CLEC16A: variants seen among roughly 807,000 people sequenced by gnomAD.
CLEC16A encodes the protein protein CLEC16A.
Under a neutral mutation model 109.5 loss-of-function variants are expected in CLEC16A, and 51 were observed. The ratio of observed to expected loss-of-function variants is 0.47; its 90% CI spans 0.37 to 0.59. CLEC16A has a LOEUF of 0.59. CLEC16A is among the 20% of genes least tolerant of loss of function. The pLI is 0.00. For synonymous variants in CLEC16A, 673 were observed against 564.2 expected (o/e 1.19, Z -2.73); for missense variants, 1,339 against 1,394.0 (o/e 0.96, Z 0.63).
At chr16:10,986,600 A>T (rs1473634446) in intron 10 of CLEC16A, among the ~76,000 whole-genome samples, 2 of 152,092 alleles carry the variant, frequency 1.3e-5, no homozygotes, top group Non-Finnish European at 2.9e-5. Flanking sequence ...TGAGTTTGAC[A>T]ATTTTAGATA....
chr16:11,174,809 C>G lies in CLEC16A; in HGVS notation c.2807-3526C>G, dbSNP rs1757330749. ...TGACCGGAAGCCAAGAGCCATTTCC[C>G]TCATAGACACATGGATGGATGTGGC... On this transcript the variant is annotated intron_variant, in intron 23 of 23. Transcript: ENST00000409790. This position sits in a 1 kb window ranked among gnomAD's most constrained non-coding sequence, Gnocchi z 4.7. Among the ~76,000 whole-genome samples the G allele has an allele frequency of 6.6e-6, 1 of 152,250 alleles. No homozygotes were observed. Among genetic ancestry groups the G allele is most frequent in the Non-Finnish European group, 1.5e-5 (1 of 68,040 alleles).
At position 10,977,170 on chromosome 16, in the gene CLEC16A, G is replaced by A. The variant is rs951032805; in HGVS notation, c.729-55G>A. 13 of 1,532,716 alleles carry A rather than the reference G, an allele frequency of 8.5e-6. No homozygotes were observed. The East Asian group carries it at 2.9e-4, about 34-fold the overall frequency. The allele number at this position is 1,532,716 out of a possible 1,614,324, so 94.9% of individuals were successfully genotyped here. A position where few individuals can be genotyped will look rare whatever the true frequency, so the allele number is the denominator to read the frequency against. ...CTAAGTCTCAGGCCATTGATGTTAGGCTCAAAGGCTCCTAGTGTTGGCCTC... is the reference window on the plus strand; with the variant it reads ...CTAAGTCTCAGGCCATTGATGTTAGACTCAAAGGCTCCTAGTGTTGGCCTC... On this transcript the variant is annotated intron_variant, in intron 7 of 23. Transcript: ENST00000409790.
At chr16:11,115,760 T>A (rs1353707135) in intron 19 of CLEC16A, among the ~76,000 whole-genome samples, 4 of 152,198 alleles carry the variant, frequency 2.6e-5, no homozygotes, top group African/African-American at 9.6e-5. Flanking sequence ...CCTTTTTTAA[T>A]AATGTAGAAG....
chr16:11,098,843 T>C (rs1005796942), intron 19 of CLEC16A, among the ~76,000 whole-genome samples: 8 of 152,292 alleles, frequency 5.3e-5, no homozygotes, highest in African/African-American at 1.9e-4. Flanking sequence ...CCCAGTCCTA[T>C]GTGGGGGCCA....
intron 19 of CLEC16A, among the ~76,000 whole-genome samples, chr16:11,096,857 T>G (rs2050634613): frequency 6.6e-6 from 1 of 152,188 alleles, no homozygotes; most frequent in Non-Finnish European, 1.5e-5. Context: ...AAATTTTCCT[T>G]ATAAATTTCA....
chr16:10,953,634 T>A (rs1228903018), intron 1 of CLEC16A, among the ~76,000 whole-genome samples: 1 of 152,162 alleles, frequency 6.6e-6, no homozygotes, highest in Non-Finnish European at 1.5e-5. Flanking sequence ...AAAGGGTTTG[T>A]GGTCAGAGTA....
chr16:11,129,965 T>C (rs1486811260), intron 22 of CLEC16A, among the ~76,000 whole-genome samples: 3 of 152,094 alleles, frequency 2.0e-5, no homozygotes, highest in Non-Finnish European at 4.4e-5. Context: ...GGTTTCACCG[T>C]GTTAGCCAGG....
At chr16:11,131,135 GA>G (rs1444201080) in intron 22 of CLEC16A, among the ~76,000 whole-genome samples, 4 of 152,202 alleles carry the variant, frequency 2.6e-5, no homozygotes, top group Non-Finnish European at 5.9e-5. Flanking sequence ...CCTGGCCAAG[GA>G]GGGGGGTCAG....
At chr16:10,985,220 A>AAATATATATATAT (rs1555526163) in intron 10 of CLEC16A, among the ~76,000 whole-genome samples, 1 of 104,088 alleles carries the variant, frequency 9.6e-6, no homozygotes, top group African/African-American at 4.6e-5. Flanking sequence ...AAAAAAAAAA[A>AAATATATATATAT]ATATATATAT....
At chr16:11,031,957 G>A (rs1427626020) in intron 13 of CLEC16A, among the ~76,000 whole-genome samples, 1 of 152,198 alleles carries the variant, frequency 6.6e-6, no homozygotes, top group Non-Finnish European at 1.5e-5. Context: ...CAGGCAGTGT[G>A]CTCAACATGG....
chr16:11,143,565 T>C (rs991927297), intron 22 of CLEC16A, among the ~76,000 whole-genome samples: 2 of 152,168 alleles, frequency 1.3e-5, no homozygotes, highest in African/African-American at 4.8e-5. Context: ...AACAAAGGGC[T>C]TAAGTGAAGC....
intron 22 of CLEC16A, among the ~76,000 whole-genome samples, chr16:11,159,720 T>C (rs949528067): frequency 2.6e-5 from 3 of 117,324 alleles, no homozygotes; most frequent in African/African-American, 9.8e-5. Context: ...AGATCGCCTG[T>C]TTTTTTCCCT....
intron 1 of CLEC16A, 32 bp from the exon 2 acceptor site, chr16:10,957,750 C>T (rs1567501178): frequency 6.2e-7 from 1 of 1,612,416 alleles, no homozygotes; most frequent in Middle Eastern, 1.7e-4. Context: ...CAGTTGGTAA[C>T]CTTTAATTTC....
chr16:11,156,948 C>A, intron 22 of CLEC16A: 1 of 321,892 alleles, frequency 3.1e-6, no homozygotes, highest in African/African-American at 2.4e-5. Context: ...CTGCCGGTAG[C>A]AAAAGGGGCA....
At chr16:11,117,676 C>T (rs946524909) in intron 19 of CLEC16A, among the ~76,000 whole-genome samples, 2 of 152,182 alleles carry the variant, frequency 1.3e-5, no homozygotes, top group Admixed American at 1.3e-4. Context: ...ACACACACTC[C>T]TACCCCCAAT....
chr16:11,133,177 A>G (rs1288483988), intron 22 of CLEC16A, among the ~76,000 whole-genome samples: 4 of 152,070 alleles, frequency 2.6e-5, no homozygotes, highest in African/African-American at 9.7e-5. Context: ...CGTCTCTACT[A>G]AAAGTACAAA....
Position 11,038,773 on chromosome 16 carries a change from G to A in CLEC16A, c.1538-981G>A, listed in dbSNP as rs182511526. On this transcript the variant is annotated intron_variant, in intron 13 of 23. Transcript: ENST00000409790. The stretch of plus-strand genomic sequence containing the variant: ...ATTAGGTTGGCACAAAAGTAATTGC[G>A]GTGTTCCAATTGCTTTTAATGGCAA... Among the ~76,000 whole-genome samples, 10 of 152,080 alleles carry A rather than the reference G, an allele frequency of 6.6e-5. No homozygotes were observed. The East Asian group carries it at 1.9e-3, about 30-fold the overall frequency.
At chr16:11,173,898 T>G (rs1187527935) in intron 23 of CLEC16A, among the ~76,000 whole-genome samples, 1 of 152,142 alleles carries the variant, frequency 6.6e-6, no homozygotes, top group East Asian at 1.9e-4. Flanking sequence ...CCCGGTTAAG[T>G]TGCACGAGTG....
intron 10 of CLEC16A, among the ~76,000 whole-genome samples, chr16:10,993,821 C>G (rs1596946834): frequency 1.3e-5 from 2 of 152,258 alleles, no homozygotes; most frequent in Middle Eastern, 3.4e-3. Flanking sequence ...GCAATTAATT[C>G]ATCCCACAAG....
Sources: gnomAD v4.1 joint callset for allele counts (sites outside exome capture counted in the v4.1 genomes callset) on GRCh38, gnomAD v4.1.1 for gene constraint, Gnocchi (gnomAD v3.1) non-coding constraint, MANE v1.5 for transcripts, NCBI Gene and HGNC (gene_info 2026-07-23, HGNC 2026-07-21) for gene names.